IPO13: variants seen among roughly 807,000 people sequenced by gnomAD.
The protein encoded by IPO13 is importin 13.
Under a neutral mutation model 115.5 loss-of-function variants are expected in IPO13, and 28 were observed. The ratio of observed to expected loss-of-function variants is 0.24; its 90% CI spans 0.18 to 0.33. IPO13 has a LOEUF of 0.33. IPO13 is among the 10% of genes least tolerant of loss of function. The pLI, the probability that IPO13 is intolerant of heterozygous loss-of-function variation, is 1.00. For synonymous variants in IPO13, 414 were observed against 478.9 expected (o/e 0.86, Z 1.77); for missense variants, 785 against 1,204.6 (o/e 0.65, Z 5.16).
chr1:43,949,499 C>G lies in IPO13; in HGVS notation c.167C>G (p.Pro56Arg), dbSNP rs1419085498. 1 of 1,614,062 alleles carries G rather than the reference C, an allele frequency of 6.2e-7. No homozygotes were observed. Among genetic ancestry groups the G allele is most frequent in the Non-Finnish European group, 8.5e-7 (1 of 1,180,022 alleles). ...QKWLMQAQVS[P>R]QAWHFSWQLL... The stretch of plus-strand genomic sequence containing the variant: ...TGGCTGATGCAGGCCCAGGTCTCCC[C>G]ACAGGCCTGGCACTTCAGCTGGCAG... The change falls in exon 2 of 20, where the codon CCA (proline) becomes CGA (arginine). Residue 56 changes from proline to arginine, a missense_variant. Physicochemically the swap from Pro to Arg is moderately radical, Grantham distance 103. Transcript: ENST00000372343.
chr1:43,949,903 C>G lies in IPO13; in HGVS notation c.571C>G (p.Arg191Gly). 1 of 1,610,716 alleles carries G rather than the reference C, an allele frequency of 6.2e-7. No individual in the cohort carries two copies. Among genetic ancestry groups the G allele is most frequent in the East Asian group, 2.2e-5 (1 of 44,844 alleles). The change falls in exon 2 of 20, where the codon CGG becomes GGG. Residue 191 changes from arginine to glycine, a missense_variant. By Grantham distance (125) the Arg-to-Gly change is moderately radical. Coordinates refer to ENST00000372343, the MANE Select transcript of IPO13 (RefSeq NM_014652.4). Reference protein sequence around the residue: ...RLPQYRKGLVRTSLAVECGAV... With the variant: ...RLPQYRKGLVGTSLAVECGAV... ...ACCCCAGTACCGCAAAGGCCTGGTG[C>G]GGACCAGCCTGGCGGTGGAATGTGG...
rs1213706182 is a variant in IPO13, at chr1:43,949,575, T to C, written c.243T>C (p.Ala81=). 6.2e-7 allele frequency: 1 copy of C among 1,614,174 alleles called. No individual in the cohort carries two copies. Among genetic ancestry groups the C allele is most frequent in the Non-Finnish European group, 8.5e-7 (1 of 1,180,028 alleles). ...VPEIQYFGAS[A]LHIKISRYWS... ...AGATCCAGTACTTTGGGGCCAGTGC[T>C]CTTCACATCAAGATCTCTCGCTACT... is the stretch of plus-strand genomic sequence containing the variant. Residue 81 remains alanine, a synonymous_variant, in exon 2 of 20, where the codon GCT becomes GCC. Transcript: ENST00000372343.
intron 2 of IPO13, among the ~76,000 whole-genome samples, chr1:43,951,567 G>T (rs1266849644): frequency 1.3e-5 from 2 of 152,208 alleles, no homozygotes; most frequent in Non-Finnish European, 2.9e-5. Context: ...CCTGGGCCCA[G>T]ATCATGCAGG....
chr1:43,954,249 G>A (rs975333289), intron 2 of IPO13, among the ~76,000 whole-genome samples: 4 of 152,320 alleles, frequency 2.6e-5, no homozygotes, highest in South Asian at 2.1e-4. Context: ...GGTGCAGCCC[G>A]TGTCAGGGTC....
At chr1:43,961,603 G>C (rs1177831285) in intron 14 of IPO13, among the ~76,000 whole-genome samples, 1 of 152,210 alleles carries the variant, frequency 6.6e-6, no homozygotes, top group East Asian at 1.9e-4. Context: ...AGTGGAAAGA[G>C]CACGGGCTTT....
In IPO13 at chr1:43,957,241, G is replaced by A. The variant is rs765771429; in HGVS notation, c.1318G>A (p.Ala440Thr). 4 of 1,614,074 alleles carry A rather than the reference G, an allele frequency of 2.5e-6. No individual in the cohort carries two copies. The South Asian group carries it at 3.3e-5, about 13-fold the overall frequency. ...CATGTATGTCTATGAGATGTTGGGGGCCGAGCTGCTCAGCAACCTCTATGA... is the reference window on the plus strand; with the variant it reads ...CATGTATGTCTATGAGATGTTGGGGACCGAGCTGCTCAGCAACCTCTATGA... Reference protein sequence around the residue: ...TLMYVYEMLGAELLSNLYDKL... With the variant: ...TLMYVYEMLGTELLSNLYDKL... The change falls in exon 6 of 20, where the codon GCC becomes ACC. Residue 440 changes from alanine to threonine, a missense_variant. Ala to Thr is a moderately conservative substitution (Grantham distance 58). Transcript: ENST00000372343.
chr1:43,950,623 AG>A (rs2085202697), intron 2 of IPO13, among the ~76,000 whole-genome samples: 1 of 130,804 alleles, frequency 7.6e-6, no homozygotes, highest in East Asian at 2.4e-4. Flanking sequence ...CAATGCTCTT[AG>A]GTTAAAGCTC....
In IPO13 at chr1:43,956,379, G is replaced by A. The variant is rs141734442; in HGVS notation, c.881G>A (p.Arg294Gln). 68 of 1,614,046 alleles carry A rather than the reference G, an allele frequency of 4.2e-5. No individual in the cohort carries two copies. Among genetic ancestry groups the A allele is most frequent in the African/African-American group, 1.1e-4 (8 of 74,908 alleles). The change falls in exon 3 of 20, where the codon CGG (arginine) becomes CAG (glutamine). Residue 294 changes from arginine to glutamine, a missense_variant. This residue lies in a region of IPO13 where 325 missense variants were observed against 449.8 expected (regional missense o/e 0.72). Transcript: ENST00000372343. The surrounding 1 kb of genome is among the most constrained non-coding windows in gnomAD (Gnocchi z 4.7). The stretch of plus-strand genomic sequence containing the variant: ...GTGCTGGGTCTGCAGGAACAACTGC[G>A]GCAGGCAGTGCAGAATGGGGACATG... ...PLVLGLQEQLRQAVQNGDMET... is the reference protein window; with the variant it reads ...PLVLGLQEQLQQAVQNGDMET...
rs753265339 is a variant in IPO13 at position 43,960,350 on chromosome 1, T to C, written c.2109+21T>C. ...TGGAGGTGAGCCCTGACCCTTGCCC[T>C]CCGCTCCCATAGTGACTGCTCAGAG... On this transcript the variant is annotated intron_variant, in intron 12 of 19. Transcript: ENST00000372343. The C allele has an allele frequency of 6.9e-6, 11 of 1,605,514 alleles. No homozygotes were observed. In the East Asian group the frequency reaches 2.5e-4, roughly 36 times the overall value.
At chr1:43,951,263 T>A (rs774573915) in intron 2 of IPO13, among the ~76,000 whole-genome samples, 1 of 152,222 alleles carries the variant, frequency 6.6e-6, no homozygotes, top group Non-Finnish European at 1.5e-5. Context: ...TCTCAGGAGC[T>A]CACAGTCTAG....
In IPO13 at chr1:43,955,872, C is replaced by T. The variant is rs2085243752; in HGVS notation, c.822-448C>T. Reference sequence around the variant, plus strand: ...ATATATTCACTTCATCTCAATCTCCCCAAAAGTTGTAACCTAGCTGGATGT... The same window carrying T: ...ATATATTCACTTCATCTCAATCTCCTCAAAAGTTGTAACCTAGCTGGATGT... On this transcript the variant is annotated intron_variant, in intron 2 of 19. Coordinates refer to ENST00000372343, the MANE Select transcript of IPO13 (RefSeq NM_014652.4). 2.6e-5 allele frequency among the ~76,000 whole-genome samples: 4 copies of T among 151,834 alleles called. No homozygotes were observed. In the South Asian group the frequency reaches 8.3e-4, roughly 32 times the overall value.
Position 43,966,763 on chromosome 1 carries a change from A to G in IPO13, c.2504A>G (p.Lys835Arg). 6.2e-7 allele frequency: 1 copy of G among 1,614,034 alleles called. No individual in the cohort carries two copies. The highest frequency in any genetic ancestry group is 8.5e-7 in the Non-Finnish European group (1 of 1,180,004). Residue 835 changes from lysine to arginine, a missense_variant, in exon 17 of 20, where the codon AAG (lysine) becomes AGG (arginine). Lys to Arg is a conservative substitution (Grantham distance 26). Around this residue, in one of 3 missense-constraint regions of IPO13, gnomAD observed 285 missense variants for 394.8 expected, o/e 0.72. Coordinates refer to ENST00000372343, the MANE Select transcript of IPO13 (RefSeq NM_014652.4). The surrounding 1 kb of genome is among the most constrained non-coding windows in gnomAD (Gnocchi z 4.1). ...AAGTTCCCTGAGGCACCTACTGTCA[A>G]GGCCTCCTGTGGCTTCTTTGTGAGT... ...ALKFPEAPTV[K>R]ASCGFFTELL...
At chr1:43,961,800 C>T (rs1454142041) in intron 14 of IPO13, among the ~76,000 whole-genome samples, 1 of 152,204 alleles carries the variant, frequency 6.6e-6, no homozygotes, top group Non-Finnish European at 1.5e-5. Context: ...GGCTTTTGCA[C>T]AGTGAAGTAC....
chr1:43,947,777 G>T, intron 1 of IPO13, 93 bp downstream of exon 1: 1 of 677,884 alleles, frequency 1.5e-6, no homozygotes, highest in Non-Finnish European at 2.2e-6. Context: ...CTGGGTGCCC[G>T]CTGGTATGGT....
Position 43,967,669 on chromosome 1 carries a change from C to T in IPO13, c.2879C>T (p.Thr960Ile). 1.9e-6 allele frequency: 3 copies of T among 1,614,128 alleles called. No homozygotes were observed. Among genetic ancestry groups the T allele is most frequent in the Non-Finnish European group, 2.5e-6 (3 of 1,179,928 alleles). The change falls in exon 20 of 20, where the codon ACA becomes ATA. Residue 960 changes from threonine to isoleucine, a missense_variant. Thr to Ile is a moderately conservative substitution (Grantham distance 89). Around this residue, in one of 3 missense-constraint regions of IPO13, gnomAD observed 285 missense variants for 394.8 expected, o/e 0.72. Transcript: ENST00000372343. This position sits in a 1 kb window ranked among gnomAD's most constrained non-coding sequence, Gnocchi z 6.1. ...CGGGGTCTCCATGGCACAGATTACA[C>T]AGCTGACTACTGAGGGGTGCCCCCA... ...LCRGLHGTDY[T>I]ADY
chr1:43,957,361 CCCT>C (rs1175868902), intron 6 of IPO13, 38 bp from the exon 7 acceptor site: 3 of 1,613,522 alleles, frequency 1.9e-6, no homozygotes, highest in African/African-American at 1.3e-5. Context: ...ACCTGTCACA[CCCT>C]CCTCCTCATC....
rs191200136 is a variant in IPO13 at position 43,966,198 on chromosome 1, G to C, written c.2398-377G>C. The C allele has an allele frequency of 2.8e-6, 1 of 351,954 alleles. No homozygotes were observed. The highest frequency in any genetic ancestry group is 2.1e-5 in the African/African-American group (1 of 47,612). 21.8% of individuals were successfully genotyped at this position (351,954 alleles called of 1,614,324 possible). A position where few individuals can be genotyped will look rare whatever the true frequency, so the allele number is the denominator to read the frequency against. On this transcript the variant is annotated intron_variant, in intron 15 of 19. Transcript: ENST00000372343. This position sits in a 1 kb window ranked among gnomAD's most constrained non-coding sequence, Gnocchi z 4.1. ...TTCCTGCTACCCTGTTCACAAACTGGGGGTGCTTAACTCCCTCTGTGAATC... is the reference window on the plus strand; with the variant it reads ...TTCCTGCTACCCTGTTCACAAACTGCGGGTGCTTAACTCCCTCTGTGAATC...
Position 43,967,932 on chromosome 1 carries a change from C to T in IPO13, c.*250C>T, listed in dbSNP as rs893494935. On this transcript the variant is annotated 3_prime_UTR_variant, in exon 20 of 20. Coordinates refer to ENST00000372343, the MANE Select transcript of IPO13 (RefSeq NM_014652.4). The surrounding 1 kb of genome is among the most constrained non-coding windows in gnomAD (Gnocchi z 6.1). ...TGTAGCCAAGCCACCTAGGCTGGAG[C>T]CCTTCAGAATACTGTCATTGTCCTT... The T allele has an allele frequency of 1.9e-5, 11 of 576,356 alleles. No individual in the cohort carries two copies. The Admixed American group carries it at 2.4e-4, about 13-fold the overall frequency. The allele number at this position is 576,356 out of a possible 1,614,324, so 35.7% of individuals were successfully genotyped here.
chr1:43,957,574 C>T (rs1262724072), intron 7 of IPO13, 25 bp downstream of exon 7: 8 of 1,612,644 alleles, frequency 5.0e-6, no homozygotes, highest in South Asian at 3.3e-5. Context: ...ACACCCATGA[C>T]CATATTCCCA....
Sources: allele counts gnomAD v4.1 joint callset (sites outside exome capture counted in the v4.1 genomes callset), GRCh38; gene constraint gnomAD v4.1.1; regional missense constraint gnomAD v4.1.1; non-coding constraint Gnocchi (gnomAD v3.1); transcripts MANE v1.5; gene names NCBI Gene and HGNC (gene_info 2026-07-23, HGNC 2026-07-21).